The following FNDC3A variants were observed in gnomAD, a reference collection of about 807,000 sequenced individuals.
FNDC3A encodes fibronectin type-III domain-containing protein 3A.
A neutral mutation model predicts 148.9 loss-of-function variants in FNDC3A; 32 were observed. The ratio of observed to expected loss-of-function variants is 0.21; its 90% CI spans 0.16 to 0.29. The LOEUF (loss-of-function observed/expected upper bound fraction) is 0.29. Among genes scored for constraint, FNDC3A ranks in the 10% least tolerant of loss-of-function variants. The probability of loss-of-function intolerance (pLI) is 1.00; values close to 1 mark genes in which losing one functional copy is unlikely to be tolerated. For missense variants in FNDC3A, 1,191 were observed against 1,452.8 expected (o/e 0.82, Z 2.93); for synonymous variants, 472 against 473.6 (o/e 1.00, Z 0.04).
In FNDC3A at chr13:49,159,820, G is replaced by A. The variant is rs185734209; in HGVS notation, c.978-7424G>A. Reference sequence around the variant, plus strand: ...ATACCTAGTTTATTCAGAGTTTTTAGCATGAAGGGCTGTTGAATTTTGTCA... The same window carrying A: ...ATACCTAGTTTATTCAGAGTTTTTAACATGAAGGGCTGTTGAATTTTGTCA... On this transcript the variant is annotated intron_variant, in intron 8 of 25. Transcript: ENST00000492622. 3.6e-4 allele frequency among the ~76,000 whole-genome samples: 55 copies of A among 152,256 alleles called. 1 individual carries two copies. The highest frequency in any genetic ancestry group is 6.6e-4 in the Non-Finnish European group (45 of 68,020).
intron 8 of FNDC3A, among the ~76,000 whole-genome samples, chr13:49,166,708 G>C (rs1452127795): frequency 6.6e-6 from 1 of 152,164 alleles, no homozygotes; most frequent in Non-Finnish European, 1.5e-5. Context: ...TAGGCTCCCA[G>C]CTGATTGCAG....
rs145549623 is a variant in FNDC3A, at chr13:49,035,053, T to G, written c.99+28764T>G. ...TGGAAATTGGAATTGATGCTGATAT[T>G]CTAATTACTGTAAAGTCCTTATATT... On this transcript the variant is annotated intron_variant, in intron 2 of 25. Transcript: ENST00000492622. Among the ~76,000 whole-genome samples the G allele has an allele frequency of 3.3e-5, 5 of 152,214 alleles. No homozygotes were observed. The East Asian group carries it at 9.6e-4, about 29-fold the overall frequency.
intron 2 of FNDC3A, among the ~76,000 whole-genome samples, chr13:49,072,110 A>G (rs1217223042): frequency 6.6e-6 from 1 of 151,876 alleles, no homozygotes; most frequent in Non-Finnish European, 1.5e-5. Context: ...GTCCTTTAGT[A>G]TTTTCCCAAT....
At chr13:48,989,539 AAAGAT>A (rs1951871118) in intron 1 of FNDC3A, among the ~76,000 whole-genome samples, 1 of 152,252 alleles carries the variant, frequency 6.6e-6, no homozygotes, top group Non-Finnish European at 1.5e-5. Flanking sequence ...TTGTCAAAGA[AAAGAT>A]AAGTGTACAT....
intron 8 of FNDC3A, among the ~76,000 whole-genome samples, chr13:49,164,320 T>A (rs1172876509): frequency 6.6e-6 from 1 of 152,198 alleles, no homozygotes; most frequent in Non-Finnish European, 1.5e-5. Flanking sequence ...TAGAATTTTC[T>A]TTGTTTTTTA....
chr13:49,106,773 C>CAAAAAAAAAAAAAAAAAAAAACAA (rs543962565), intron 3 of FNDC3A, among the ~76,000 whole-genome samples: 6 of 79,876 alleles, frequency 7.5e-5, no homozygotes, highest in African/African-American at 1.6e-4. Context: ...TGAATGAAAG[C>CAAAAAAAAAAAAAAAAAAAAACAA]AAAAAAAAAA....
chr13:49,164,687 C>T (rs1884358005), intron 8 of FNDC3A, among the ~76,000 whole-genome samples: 1 of 152,000 alleles, frequency 6.6e-6, no homozygotes, highest in African/African-American at 2.4e-5. Flanking sequence ...CGGCTCACTG[C>T]AACCTCCACC....
intron 4 of FNDC3A, among the ~76,000 whole-genome samples, chr13:49,120,839 A>G (rs995738240): frequency 6.6e-6 from 1 of 152,226 alleles, no homozygotes; most frequent in Non-Finnish European, 1.5e-5. Flanking sequence ...ACCCAGATTT[A>G]TAAAGCAAGT....
intron 3 of FNDC3A, among the ~76,000 whole-genome samples, chr13:49,079,961 C>G (rs986164075): frequency 6.6e-6 from 1 of 151,970 alleles, no homozygotes; most frequent in African/African-American, 2.4e-5. Context: ...ACTGCAGGTG[C>G]ATGCCACCAT....
At chr13:49,000,974 G>GTGTT (rs1555276140) in intron 1 of FNDC3A, among the ~76,000 whole-genome samples, 2 of 151,922 alleles carry the variant, frequency 1.3e-5, no homozygotes, top group African/African-American at 4.8e-5. Context: ...TTGTGTGTGT[G>GTGTT]TGTGTGTGTG....
intron 2 of FNDC3A, among the ~76,000 whole-genome samples, chr13:49,070,870 T>C (rs540803532): frequency 4.0e-4 from 58 of 146,446 alleles, no homozygotes; most frequent in African/African-American, 1.5e-3. Flanking sequence ...TTGCCACAGA[T>C]AACAGGATTT....
chr13:49,189,549 T>G (rs73184687), intron 17 of FNDC3A, among the ~76,000 whole-genome samples: 21,973 of 151,412 alleles, frequency 0.15, 2,157 homozygotes, highest in Non-Finnish European at 0.21. Context: ...ATTGCTGGGT[T>G]TTTTTTTTGA....
chr13:49,157,601 G>A (rs1364554617), intron 8 of FNDC3A, among the ~76,000 whole-genome samples: 2 of 151,324 alleles, frequency 1.3e-5, no homozygotes, highest in Non-Finnish European at 3.0e-5. Context: ...GGTGCTCTGC[G>A]TTTTAGAGTT....
At chr13:49,004,451 A>G (rs556751808) in intron 1 of FNDC3A, among the ~76,000 whole-genome samples, 59 of 152,166 alleles carry the variant, frequency 3.9e-4, no homozygotes, top group Non-Finnish European at 6.9e-4. Context: ...CAAATTGACC[A>G]ATGGGTTGAA....
At chr13:49,054,755 T>C (rs1876105459) in intron 2 of FNDC3A, among the ~76,000 whole-genome samples, 1 of 152,254 alleles carries the variant, frequency 6.6e-6, no homozygotes, top group African/African-American at 2.4e-5. Flanking sequence ...GCTCAAGCCC[T>C]GCTTCAGGTG....
intron 8 of FNDC3A, among the ~76,000 whole-genome samples, chr13:49,158,301 C>G (rs1200324381): frequency 1.3e-5 from 2 of 152,206 alleles, no homozygotes; most frequent in Non-Finnish European, 2.9e-5. Context: ...CGTCTGTCAC[C>G]CCTTTCTTTG....
intron 8 of FNDC3A, among the ~76,000 whole-genome samples, chr13:49,150,523 C>G (rs989358938): frequency 5.9e-5 from 9 of 151,914 alleles, no homozygotes; most frequent in African/African-American, 1.7e-4. Flanking sequence ...GTCCCTCTAC[C>G]AGTGGTCATT....
chr13:49,020,189 C>T (rs561469701), intron 2 of FNDC3A, among the ~76,000 whole-genome samples: 127 of 151,980 alleles, frequency 8.4e-4, no homozygotes, highest in Middle Eastern at 3.4e-3. Flanking sequence ...GTTATTAATG[C>T]AGATTAAAAT....
intron 2 of FNDC3A, among the ~76,000 whole-genome samples, chr13:49,037,525 C>T (rs1182155144): frequency 6.6e-6 from 1 of 152,204 alleles, no homozygotes; most frequent in Non-Finnish European, 1.5e-5. Context: ...TATGTGCTTT[C>T]TGTAACTTGG....
Sources: allele counts gnomAD v4.1 joint callset (sites outside exome capture counted in the v4.1 genomes callset), GRCh38; gene constraint gnomAD v4.1.1; transcripts MANE v1.5; gene names NCBI Gene and HGNC (gene_info 2026-07-23, HGNC 2026-07-21).